The following SETBP1 variants were observed in gnomAD, a reference collection of about 807,000 sequenced individuals.
SETBP1 encodes SET binding protein 1, also known as SET-binding protein.
Under a neutral mutation model 101.0 loss-of-function variants are expected in SETBP1, and 9 were observed. That is an observed-to-expected ratio of 0.09 (90% CI 0.05 to 0.16). The LOEUF is 0.16. Ranked by LOEUF, SETBP1 falls within the 10% of genes least tolerant of loss-of-function variation. The pLI is 1.00. For synonymous variants in SETBP1, 818 were observed against 788.5 expected (o/e 1.04, Z -0.63); for missense variants, 1,858 against 2,033.8 (o/e 0.91, Z 1.66).
At chr18:44,982,570 T>C (rs2072138988) in intron 4 of SETBP1, among the ~76,000 whole-genome samples, 1 of 152,214 alleles carries the variant, frequency 6.6e-6, no homozygotes, top group Non-Finnish European at 1.5e-5. Flanking sequence ...TCCATACAAG[T>C]AAAATAACAG....
chr18:44,927,875 A>G (rs1184975266), intron 3 of SETBP1, among the ~76,000 whole-genome samples: 1 of 152,170 alleles, frequency 6.6e-6, no homozygotes, highest in Non-Finnish European at 1.5e-5. Context: ...TAATTTTTAA[A>G]AGGAGACTAG....
intron 4 of SETBP1, among the ~76,000 whole-genome samples, chr18:45,005,930 G>A (rs1599438048): frequency 7.1e-6 from 1 of 141,482 alleles, no homozygotes; most frequent in East Asian, 2.1e-4. Flanking sequence ...ACAGGTGTGA[G>A]CCACTGCACC....
At chr18:44,715,454 G>T (rs2069442191) in intron 2 of SETBP1, among the ~76,000 whole-genome samples, 1 of 152,168 alleles carries the variant, frequency 6.6e-6, no homozygotes, top group South Asian at 2.1e-4. Flanking sequence ...ATTCAGCTGA[G>T]GCCCTTGCAA....
chr18:44,842,186 T>C (rs946390931), intron 2 of SETBP1, among the ~76,000 whole-genome samples: 5 of 152,038 alleles, frequency 3.3e-5, no homozygotes, highest in African/African-American at 1.2e-4. Flanking sequence ...ATGAGGCACA[T>C]TGCAGGTTGC....
chr18:44,843,775 A>T (rs1031705114), intron 2 of SETBP1, among the ~76,000 whole-genome samples: 3 of 152,110 alleles, frequency 2.0e-5, no homozygotes, highest in Admixed American at 2.0e-4. Context: ...TCAGTTTCTC[A>T]CGTGAGGCTA....
intron 3 of SETBP1, among the ~76,000 whole-genome samples, chr18:44,898,528 C>G (rs1356050789): frequency 2.0e-5 from 3 of 152,106 alleles, no homozygotes; most frequent in African/African-American, 7.2e-5. Flanking sequence ...TTTTCAAATG[C>G]TAGCTGGAAG....
intron 2 of SETBP1, among the ~76,000 whole-genome samples, chr18:44,841,659 C>A (rs1382801632): frequency 6.6e-6 from 1 of 152,148 alleles, no homozygotes; most frequent in Admixed American, 6.5e-5. Flanking sequence ...ATAAGGAAAT[C>A]CCCATGAAAT....
At chr18:44,773,047 C>T (rs985345212) in intron 2 of SETBP1, among the ~76,000 whole-genome samples, 2 of 152,144 alleles carry the variant, frequency 1.3e-5, no homozygotes, top group African/African-American at 4.8e-5. Context: ...ACCAAAGACG[C>T]TTTGTTCATG....
At chr18:44,940,104 T>G (rs2071053566) in intron 3 of SETBP1, among the ~76,000 whole-genome samples, 1 of 152,200 alleles carries the variant, frequency 6.6e-6, no homozygotes, top group African/African-American at 2.4e-5. Flanking sequence ...GTAAATTGAC[T>G]CTATATCATT....
intron 2 of SETBP1, among the ~76,000 whole-genome samples, chr18:44,849,205 C>T (rs182006879): frequency 2.1e-4 from 32 of 152,244 alleles, no homozygotes; most frequent in East Asian, 1.9e-4. Context: ...TAAAATATCT[C>T]GGGACCTTTT....
chr18:44,720,911 C>G (rs886095207), intron 2 of SETBP1, among the ~76,000 whole-genome samples: 2 of 138,964 alleles, frequency 1.4e-5, no homozygotes, highest in Admixed American at 7.2e-5. Flanking sequence ...ACCCCCACCC[C>G]CCACCCCAAC....
rs2072747722 is a variant in SETBP1, at chr18:44,847,483, A to T, written c.487-21747A>T. 2.0e-5 allele frequency among the ~76,000 whole-genome samples: 3 copies of T among 152,182 alleles called. 1 individual carries two copies. In the South Asian group the frequency reaches 6.2e-4, roughly 31 times the overall value. On this transcript the variant is annotated intron_variant, in intron 2 of 5. Coordinates refer to ENST00000649279, the MANE Select transcript of SETBP1 (RefSeq NM_015559.3). The stretch of plus-strand genomic sequence containing the variant: ...TGGGGGTCAGTGGCTGAGCATCCAA[A>T]CTTGGCAGTTGTGTGAGGAAGTGGG...
At chr18:44,718,697 C>T (rs570074004) in intron 2 of SETBP1, among the ~76,000 whole-genome samples, 4 of 152,144 alleles carry the variant, frequency 2.6e-5, no homozygotes, top group South Asian at 4.2e-4. Context: ...AGTGGGGTAC[C>T]GTTGTCTATT....
intron 2 of SETBP1, among the ~76,000 whole-genome samples, chr18:44,812,921 T>C (rs545263118): frequency 6.6e-6 from 1 of 152,348 alleles, no homozygotes; most frequent in Non-Finnish European, 1.5e-5. Flanking sequence ...AGGCCAGAAG[T>C]GTTGCCAAGA....
At chr18:44,848,493 G>A (rs1274465835) in intron 2 of SETBP1, among the ~76,000 whole-genome samples, 1 of 152,172 alleles carries the variant, frequency 6.6e-6, no homozygotes, top group Non-Finnish European at 1.5e-5. Context: ...GAAGAGACAT[G>A]TATACACATA....
At chr18:44,799,595 C>T (rs920908502) in intron 2 of SETBP1, among the ~76,000 whole-genome samples, 2 of 150,420 alleles carry the variant, frequency 1.3e-5, no homozygotes, top group Admixed American at 6.6e-5. Context: ...ATAGTAATAT[C>T]GCAGATGAAC....
chr18:44,954,445 G>A (rs142698676), intron 4 of SETBP1, among the ~76,000 whole-genome samples: 1 of 151,852 alleles, frequency 6.6e-6, no homozygotes, highest in Non-Finnish European at 1.5e-5. Flanking sequence ...TTAAGGTTTG[G>A]TGTAGCATTT....
chr18:44,914,053 G>A (rs2070373987), intron 3 of SETBP1, among the ~76,000 whole-genome samples: 1 of 152,198 alleles, frequency 6.6e-6, no homozygotes, highest in African/African-American at 2.4e-5. Flanking sequence ...TTAGCTGGGG[G>A]ACAGGCCCTA....
chr18:44,706,894 T>C (rs2069231943), intron 2 of SETBP1, among the ~76,000 whole-genome samples: 1 of 152,188 alleles, frequency 6.6e-6, no homozygotes. Context: ...AGGTGATGAT[T>C]TCTACATGAT....
Sources: gnomAD v4.1 joint callset for allele counts (sites outside exome capture counted in the v4.1 genomes callset) on GRCh38, gnomAD v4.1.1 for gene constraint, MANE v1.5 for transcripts, NCBI Gene and HGNC (gene_info 2026-07-23, HGNC 2026-07-21) for gene names.